The following ATP10D variants were observed in gnomAD, a reference collection of about 807,000 sequenced individuals.
ATP10D encodes phospholipid-transporting ATPase VD.
In ATP10D, 89 loss-of-function variants were observed where a neutral mutation model predicts 144.8. The ratio of observed to expected loss-of-function variants is 0.61; its 90% CI spans 0.52 to 0.73. ATP10D has a LOEUF of 0.73. ATP10D is among the 30% of genes least tolerant of loss of function. The pLI is 0.00. For synonymous variants in ATP10D, 571 were observed against 615.1 expected (o/e 0.93, Z 1.06); for missense variants, 1,603 against 1,714.8 (o/e 0.93, Z 1.15).
chr4:47,487,455 GTTC>G (rs1003175263), intron 1 of ATP10D, among the ~76,000 whole-genome samples: 4 of 152,156 alleles, frequency 2.6e-5, no homozygotes, highest in African/African-American at 7.2e-5. Flanking sequence ...GTTGGAAGTA[GTTC>G]TTCTAATGAA....
At chr4:47,574,609 A>T (rs1324905788) in intron 18 of ATP10D, among the ~76,000 whole-genome samples, 1 of 152,184 alleles carries the variant, frequency 6.6e-6, no homozygotes, top group Non-Finnish European at 1.5e-5. Flanking sequence ...TATTCTGGCC[A>T]GGTGCGGTGG....
At chr4:47,491,993 A>G (rs912513227) in intron 1 of ATP10D, among the ~76,000 whole-genome samples, 1 of 152,220 alleles carries the variant, frequency 6.6e-6, no homozygotes, top group African/African-American at 2.4e-5. Flanking sequence ...AGGACAAGGT[A>G]AAATAAATGT....
intron 5 of ATP10D, among the ~76,000 whole-genome samples, chr4:47,527,064 GGTATA>G (rs1717284812): frequency 6.6e-6 from 1 of 152,072 alleles, no homozygotes; most frequent in Admixed American, 6.6e-5. Context: ...TTATCAGAAA[GGTATA>G]ATAATCAGGC....
chr4:47,561,826 G>A (rs746436983), intron 14 of ATP10D, among the ~76,000 whole-genome samples: 9 of 152,162 alleles, frequency 5.9e-5, no homozygotes, highest in African/African-American at 9.7e-5. Flanking sequence ...GCTAAAGGCG[G>A]TCAAGTTTGA....
chr4:47,578,090 T>TA (rs1402709314), intron 19 of ATP10D, among the ~76,000 whole-genome samples: 1 of 152,228 alleles, frequency 6.6e-6, no homozygotes, highest in East Asian at 1.9e-4. Flanking sequence ...CCAATCCTTG[T>TA]ACACGCTGTT....
chr4:47,579,680 C>T (rs76814271), intron 19 of ATP10D, among the ~76,000 whole-genome samples: 2,317 of 152,224 alleles, frequency 0.015, 37 homozygotes, highest in Non-Finnish European at 0.02. Flanking sequence ...AGAATCAAAA[C>T]GGCAAGAAGT....
In ATP10D at chr4:47,557,821, C is replaced by G. The variant is rs373967400; in HGVS notation, c.1982C>G (p.Pro661Arg). 7.4e-6 allele frequency: 12 copies of G among 1,614,204 alleles called. No homozygotes were observed. The East Asian group carries it at 2.7e-4, about 36-fold the overall frequency. Residue 661 changes from proline (P) to arginine (R), a missense_variant, in exon 12 of 23, where the codon CCT becomes CGT. Coordinates refer to ENST00000273859, the MANE Select transcript of ATP10D (RefSeq NM_020453.4). ...GVPNAFVSRL[P>R]LFSRMKPASP... ...CCAAACGCCTTTGTGAGCAGACTCC[C>G]TCTCTTTAGTCGAATGAAACCAGCT... is the stretch of plus-strand genomic sequence containing the variant.
intron 3 of ATP10D, among the ~76,000 whole-genome samples, chr4:47,518,516 GACTT>G (rs567694819): frequency 5.4e-4 from 82 of 152,250 alleles, no homozygotes; most frequent in Non-Finnish European, 9.6e-4. Flanking sequence ...AGCACTGAGA[GACTT>G]AGAGGATTTA....
At chr4:47,582,395 T>G (rs995381163) in intron 21 of ATP10D, among the ~76,000 whole-genome samples, 1 of 152,218 alleles carries the variant, frequency 6.6e-6, no homozygotes, top group African/African-American at 2.4e-5. Flanking sequence ...AAAGGTGTTG[T>G]ATCATAATCC....
rs182053480 is a variant in ATP10D, at chr4:47,497,031, G to T, written c.-38+11512G>T. The stretch of plus-strand genomic sequence containing the variant: ...TAATTTTTGTATTTTTAGTAGAAAC[G>T]GGTTTCACCACATTGGCCAGGCTTG... On this transcript the variant is annotated intron_variant, in intron 1 of 22. Coordinates refer to ENST00000273859, the MANE Select transcript of ATP10D (RefSeq NM_020453.4). Among the ~76,000 whole-genome samples the T allele has an allele frequency of 2.4e-4, 36 of 152,110 alleles. 1 individual carries two copies. The South Asian group carries it at 5.2e-3, about 22-fold the overall frequency.
intron 10 of ATP10D, among the ~76,000 whole-genome samples, chr4:47,550,480 A>G (rs572151900): frequency 1.3e-5 from 2 of 151,822 alleles, no homozygotes; most frequent in Non-Finnish European, 2.9e-5. Flanking sequence ...TAGTAATGTC[A>G]TGGGGTTGGG....
chr4:47,568,864 A>C lies in ATP10D; in HGVS notation c.2881A>C (p.Ile961Leu). 6.2e-7 allele frequency: 1 copy of C among 1,614,086 alleles called. No individual in the cohort carries two copies. The highest frequency in any genetic ancestry group is 1.3e-5 in the African/African-American group (1 of 75,016). Residue 961 changes from isoleucine (I) to leucine (L), a missense_variant, in exon 16 of 23, where the codon ATT becomes CTT. Transcript: ENST00000273859. ...TGCCTGTGGGATGCTGATGAGCACA[A>C]TTTTGAAAGAACTTCAGAAGAAAAC... Reference protein sequence around the residue: ...KDACGMLMSTILKELQKKTQA... With the variant: ...KDACGMLMSTLLKELQKKTQA...
intron 14 of ATP10D, 135 bp downstream of exon 14, chr4:47,561,210 T>G: frequency 8.7e-7 from 1 of 1,149,352 alleles, no homozygotes; most frequent in Non-Finnish European, 1.2e-6. Flanking sequence ...GTCTGATCTC[T>G]ATCCAACTTC....
At position 47,592,724 on chromosome 4, in the gene ATP10D, A is replaced by G. The variant is rs1156442779; in HGVS notation, c.*1343A>G. Reference sequence around the variant, plus strand: ...TTTAGTTTTCTACCTTCTGCCTACTATTTTGGTCTGACATTTTTGTAGCCT... The same window carrying G: ...TTTAGTTTTCTACCTTCTGCCTACTGTTTTGGTCTGACATTTTTGTAGCCT... On this transcript the variant is annotated 3_prime_UTR_variant, in exon 23 of 23. Transcript: ENST00000273859. 6.6e-6 allele frequency: 1 copy of G among 152,434 alleles called. No homozygotes were observed. Among genetic ancestry groups the G allele is most frequent in the Non-Finnish European group, 1.5e-5 (1 of 67,976 alleles). 9.4% of individuals were successfully genotyped at this position (152,434 alleles called of 1,614,324 possible).
At chr4:47,495,841 A>G (rs1342222234) in intron 1 of ATP10D, among the ~76,000 whole-genome samples, 1 of 151,342 alleles carries the variant, frequency 6.6e-6, no homozygotes, top group South Asian at 2.1e-4. Context: ...GTTTTCAAGC[A>G]ATTCTTCTGC....
chr4:47,586,039 A>G (rs941839085), intron 21 of ATP10D, among the ~76,000 whole-genome samples: 1 of 152,152 alleles, frequency 6.6e-6, no homozygotes. Flanking sequence ...ATCATACAGT[A>G]GCTTAATTTT....
chr4:47,515,025 A>T (rs1269642200), intron 2 of ATP10D, among the ~76,000 whole-genome samples: 1 of 152,090 alleles, frequency 6.6e-6, no homozygotes, highest in Non-Finnish European at 1.5e-5. Flanking sequence ...CAGTAGTGTG[A>T]TCCCGGCTCA....
chr4:47,505,702 C>T (rs1715981174), intron 1 of ATP10D, among the ~76,000 whole-genome samples: 1 of 151,900 alleles, frequency 6.6e-6, no homozygotes, highest in African/African-American at 2.4e-5. Context: ...AGCCACCCCA[C>T]CACTACACTC....
Position 47,558,111 on chromosome 4 carries a change from G to A in ATP10D, c.2272G>A (p.Ala758Thr). ...TPEQVMVDFA[A>T]LGPLTFQLLH... Reference sequence around the variant, plus strand: ...AGAGCAGGTCATGGTGGACTTTGCTGCTTTGGGACCATTAACATTTCAACT... The same window carrying A: ...AGAGCAGGTCATGGTGGACTTTGCTACTTTGGGACCATTAACATTTCAACT... The change falls in exon 12 of 23, where the codon GCT becomes ACT. Residue 758 changes from alanine (A) to threonine (T), a missense_variant. Physicochemically the swap from Ala to Thr is moderately conservative, Grantham distance 58. Coordinates refer to ENST00000273859, the MANE Select transcript of ATP10D (RefSeq NM_020453.4). 2 of 1,614,214 alleles carry A rather than the reference G, an allele frequency of 1.2e-6. No homozygotes were observed. The highest frequency in any genetic ancestry group is 2.2e-5 in the South Asian group (2 of 91,084).
Sources: gnomAD v4.1 joint callset for allele counts (sites outside exome capture counted in the v4.1 genomes callset) on GRCh38, gnomAD v4.1.1 for gene constraint, MANE v1.5 for transcripts, NCBI Gene and HGNC (gene_info 2026-07-23, HGNC 2026-07-21) for gene names.